The following ARRDC3 variants were observed in gnomAD, a reference collection of about 807,000 sequenced individuals.
ARRDC3 encodes arrestin domain containing 3, also known as arrestin domain-containing protein 3.
In ARRDC3, 10 loss-of-function variants were observed where a neutral mutation model predicts 47.2. The observed-to-expected ratio is 0.21, with a 90% CI of 0.13 to 0.36. The LOEUF is 0.36. ARRDC3 is among the 10% of genes least tolerant of loss of function. ARRDC3 has a pLI of 1.00. For synonymous variants in ARRDC3, 156 were observed against 178.3 expected (o/e 0.87, Z 1.00); for missense variants, 381 against 503.6 (o/e 0.76, Z 2.33).
In ARRDC3 at chr5:91,369,079, G is replaced by T. The variant is rs1203436154; in HGVS notation, c.*2321C>A. 1 of 152,384 alleles carries T rather than the reference G, an allele frequency of 6.6e-6. No individual in the cohort carries two copies. Among genetic ancestry groups the T allele is most frequent in the South Asian group, 2.1e-4 (1 of 4,828 alleles). 9.4% of individuals were successfully genotyped at this position (152,384 alleles called of 1,614,324 possible). ...CTCTAAAGAAATACATTTTAAAGGG[G>T]AAAATAAAACTTTATTTGATAAAGT... On this transcript the variant is annotated 3_prime_UTR_variant, in exon 8 of 8. Transcript: ENST00000265138.
intron 1 of ARRDC3, chr5:91,379,921 A>G (rs1799403673): frequency 6.6e-6 from 1 of 152,194 alleles, no homozygotes; most frequent in Non-Finnish European, 1.5e-5. Flanking sequence ...ATGTCTCCAT[A>G]CAATTTTCCT....
In ARRDC3 at chr5:91,383,228, A is replaced by C; in HGVS notation, c.-136T>G. The C allele has an allele frequency of 1.2e-6, 1 of 800,732 alleles. No individual in the cohort carries two copies. Among genetic ancestry groups the C allele is most frequent in the Admixed American group, 3.1e-5 (1 of 32,528 alleles). 49.6% of individuals were successfully genotyped at this position (800,732 alleles called of 1,614,324 possible). On this transcript the variant is annotated 5_prime_UTR_variant, in exon 1 of 8. Coordinates refer to ENST00000265138, the MANE Select transcript of ARRDC3 (RefSeq NM_020801.4). ...GCAGGCCGGATCAGTGATTCTCTACAAATAGTTCATTGAGATTTCTTAAAA... is the reference window on the plus strand; with the variant it reads ...GCAGGCCGGATCAGTGATTCTCTACCAATAGTTCATTGAGATTTCTTAAAA...
At chr5:91,375,670 C>T (rs961167818) in intron 3 of ARRDC3, 57 bp from the exon 4 acceptor site, 40 of 1,106,890 alleles carry the variant, frequency 3.6e-5, no homozygotes, top group Middle Eastern at 2.1e-4. Flanking sequence ...CAATCAATAC[C>T]AGAATATTTT....
Position 91,371,029 on chromosome 5 carries a change from A to G in ARRDC3, c.*371T>C, listed in dbSNP as rs1343278518. The G allele has an allele frequency of 1.1e-5, 2 of 174,192 alleles. No individual in the cohort carries two copies. Among genetic ancestry groups the G allele is most frequent in the Non-Finnish European group, 2.4e-5 (2 of 83,148 alleles). The allele number at this position is 174,192 out of a possible 1,614,324, so 10.8% of individuals were successfully genotyped here. Reference sequence around the variant, plus strand: ...AATAGAAAAAAAAAAAAAAAAAAAAAGAAGCTGTAGTGACGTCGAACCGCA... The same window carrying G: ...AATAGAAAAAAAAAAAAAAAAAAAAGGAAGCTGTAGTGACGTCGAACCGCA... On this transcript the variant is annotated 3_prime_UTR_variant, in exon 8 of 8. Coordinates refer to ENST00000265138, the MANE Select transcript of ARRDC3 (RefSeq NM_020801.4).
chr5:91,371,630 GAGGAA>G lies in ARRDC3; in HGVS notation c.1189-179_1189-175del, dbSNP rs888013920. On this transcript the variant is annotated intron_variant, in intron 7 of 7. Coordinates refer to ENST00000265138, the MANE Select transcript of ARRDC3 (RefSeq NM_020801.4). The stretch of plus-strand genomic sequence containing the variant: ...TTTCATACGTGAAATGCTATGTGGG[GAGGAA>G]AGGGTGTTGGTACCTACAGTACCTG... Among the ~76,000 whole-genome samples, 27 of 152,216 alleles carry G rather than the reference GAGGAA, an allele frequency of 1.8e-4. 1 individual carries two copies. The highest frequency in any genetic ancestry group is 5.8e-4 in the African/African-American group (24 of 41,538).
At chr5:91,379,137 T>G (rs1187885424) in intron 1 of ARRDC3, among the ~76,000 whole-genome samples, 1 of 152,096 alleles carries the variant, frequency 6.6e-6, no homozygotes, top group Non-Finnish European at 1.5e-5. Context: ...CTCCAACGGT[T>G]TGCTTAAATT....
chr5:91,377,000 T>A (rs1249745718), intron 2 of ARRDC3, among the ~76,000 whole-genome samples: 1 of 152,162 alleles, frequency 6.6e-6, no homozygotes, highest in Non-Finnish European at 1.5e-5. Flanking sequence ...GCCAGAAGAA[T>A]ACAATCCATT....
Position 91,369,065 on chromosome 5 carries a change from T to C in ARRDC3, c.*2335A>G, listed in dbSNP as rs1799106524. The C allele has an allele frequency of 6.6e-6, 1 of 152,554 alleles. No individual in the cohort carries two copies. The highest frequency in any genetic ancestry group is 1.5e-5 in the Non-Finnish European group (1 of 68,022). The allele number at this position is 152,554 out of a possible 1,614,324, so 9.5% of individuals were successfully genotyped here. A position where few individuals can be genotyped will look rare whatever the true frequency, so the allele number is the denominator to read the frequency against. ...TAAAAAAGTAATGCCTCTAAAGAAATACATTTTAAAGGGGAAAATAAAACT... is the reference window on the plus strand; with the variant it reads ...TAAAAAAGTAATGCCTCTAAAGAAACACATTTTAAAGGGGAAAATAAAACT... On this transcript the variant is annotated 3_prime_UTR_variant, in exon 8 of 8. Transcript: ENST00000265138.
intron 7 of ARRDC3, among the ~76,000 whole-genome samples, chr5:91,373,178 A>G (rs1217671816): frequency 6.6e-6 from 1 of 152,180 alleles, no homozygotes; most frequent in Non-Finnish European, 1.5e-5. Flanking sequence ...TTTTATTTAC[A>G]TTTAAGTGCT....
intron 6 of ARRDC3, 57 bp from the exon 7 acceptor site, chr5:91,373,895 C>T (rs772872459): frequency 3.4e-5 from 55 of 1,605,926 alleles, no homozygotes; most frequent in Middle Eastern, 1.7e-4. Flanking sequence ...TGTCAAAATA[C>T]ACAGAATAGT....
Position 91,378,777 on chromosome 5 carries a change from TA to T in ARRDC3, c.281-3del. The T allele has an allele frequency of 6.4e-7, 1 of 1,574,084 alleles. No homozygotes were observed. Among genetic ancestry groups the T allele is most frequent in the Non-Finnish European group, 8.6e-7 (1 of 1,158,952 alleles). On this transcript the variant is annotated splice_region_variant and splice_polypyrimidine_tract_variant and intron_variant, in intron 1 of 7. Coordinates refer to ENST00000265138, the MANE Select transcript of ARRDC3 (RefSeq NM_020801.4). ...AGCCTTCTTCGGAATTATCATCATC[TA>T]AAACAAACATAAAAAGAAAACAAAG...
chr5:91,383,278 T>C lies in ARRDC3; in HGVS notation c.-186A>G. ...AAGTCAGGGCAGCAGAGGCTGCTGC[T>C]CCGCGCTCCCGCTCGTCTCAGTGGT... is the stretch of plus-strand genomic sequence containing the variant. On this transcript the variant is annotated 5_prime_UTR_variant, in exon 1 of 8. Transcript: ENST00000265138. 8.7e-6 allele frequency: 5 copies of C among 574,372 alleles called. No homozygotes were observed. The highest frequency in any genetic ancestry group is 1.2e-5 in the Non-Finnish European group (4 of 340,408). 35.6% of individuals were successfully genotyped at this position (574,372 alleles called of 1,614,324 possible).
In ARRDC3 at chr5:91,376,699, C is replaced by T. The variant is rs775222728; in HGVS notation, c.432G>A (p.Arg144=). The change falls in exon 3 of 8, where the codon AGG becomes AGA. Residue 144 remains arginine, a synonymous_variant. Coordinates refer to ENST00000265138, the MANE Select transcript of ARRDC3 (RefSeq NM_020801.4). Reference sequence around the variant, plus strand: ...TTAATTTTACTGGTAGTAGCCAAGGCCTGTGCAATTCGGCTTTCACCCAAT... The same window carrying T: ...TTAATTTTACTGGTAGTAGCCAAGGTCTGTGCAATTCGGCTTTCACCCAAT... ...VRYWVKAELH[R]PWLLPVKLKK... is the part of the protein sequence containing the mutation. The T allele has an allele frequency of 1.2e-6, 2 of 1,613,916 alleles. No homozygotes were observed. The highest frequency in any genetic ancestry group is 4.5e-5 in the East Asian group (2 of 44,834).
rs1799237489 is a variant in ARRDC3, at chr5:91,373,831, G to A, written c.1041C>T (p.Pro347=). 1.2e-6 allele frequency: 2 copies of A among 1,613,828 alleles called. No homozygotes were observed. Among genetic ancestry groups the A allele is most frequent in the African/African-American group, 1.3e-5 (1 of 74,904 alleles). The part of the protein sequence containing the change: ...LSLPERPEAP[P]SYAEVVTEEQ... ...CCTCTGTTACCACTTCTGCATAGCT[G>A]GGTGGTGCTGAAGGAAAAAGATACA... The change falls in exon 7 of 8, where the codon CCC becomes CCT. Residue 347 remains proline, a synonymous_variant. Coordinates refer to ENST00000265138, the MANE Select transcript of ARRDC3 (RefSeq NM_020801.4).
intron 2 of ARRDC3, among the ~76,000 whole-genome samples, chr5:91,377,283 A>G (rs1056982818): frequency 2.6e-5 from 4 of 152,170 alleles, no homozygotes; most frequent in African/African-American, 9.7e-5. Flanking sequence ...CACATTTCCT[A>G]AGTTTACTGA....
In ARRDC3 at chr5:91,373,764, C is replaced by A; in HGVS notation, c.1108G>T (p.Asp370Tyr). 6.2e-7 allele frequency: 1 copy of A among 1,614,070 alleles called. No individual in the cohort carries two copies. The highest frequency in any genetic ancestry group is 1.1e-5 in the South Asian group (1 of 91,080). The part of the protein sequence containing the change: ...NNLAPVSACD[D>Y]FERALQGPLF... ...GGTCCTTGAAGGGCTCTCTCAAAGTCATCACAAGCACTCACTGGTGCAAGA... is the reference window on the plus strand; with the variant it reads ...GGTCCTTGAAGGGCTCTCTCAAAGTAATCACAAGCACTCACTGGTGCAAGA... The change falls in exon 7 of 8, where the codon GAC (aspartate) becomes TAC (tyrosine). Residue 370 changes from aspartate to tyrosine, a missense_variant. By Grantham distance (160) the Asp-to-Tyr change is radical. Transcript: ENST00000265138.
intron 1 of ARRDC3, chr5:91,380,925 G>C (rs1373387848): frequency 2.6e-5 from 4 of 152,296 alleles, no homozygotes; most frequent in African/African-American, 9.6e-5. Flanking sequence ...GGGAACAAAC[G>C]TGAGTACGGG....
chr5:91,371,514 G>C, intron 7 of ARRDC3, 58 bp from the exon 8 acceptor site: 1 of 1,343,946 alleles, frequency 7.4e-7, no homozygotes, highest in Admixed American at 1.9e-5. Flanking sequence ...TAGGAAGAAT[G>C]TAGCAAATGA....
chr5:91,372,177 T>C lies in ARRDC3; in HGVS notation c.1189-721A>G, dbSNP rs193042730. On this transcript the variant is annotated intron_variant, in intron 7 of 7. Transcript: ENST00000265138. ...AGAGAATGGTCATAGAAAAGCAAAT[T>C]GTTGGGTTTAATATATTTTTTACTG... Among the ~76,000 whole-genome samples, 3 of 152,222 alleles carry C rather than the reference T, an allele frequency of 2.0e-5. No individual in the cohort carries two copies. The East Asian group carries it at 5.8e-4, about 29-fold the overall frequency.
Sources: gnomAD v4.1 joint callset for allele counts (sites outside exome capture counted in the v4.1 genomes callset) on GRCh38, gnomAD v4.1.1 for gene constraint, MANE v1.5 for transcripts, NCBI Gene and HGNC (gene_info 2026-07-23, HGNC 2026-07-21) for gene names.